TRPM6: variants seen among roughly 807,000 people sequenced by gnomAD.
The protein encoded by TRPM6 is channel kinase 2.
In TRPM6, 111 loss-of-function variants were observed where a neutral mutation model predicts 247.6. The ratio of observed to expected loss-of-function variants is 0.45; its 90% CI spans 0.38 to 0.52. TRPM6 has a LOEUF of 0.52. Ranked by LOEUF, TRPM6 falls within the 20% of genes least tolerant of loss-of-function variation. The pLI, the probability that TRPM6 is intolerant of heterozygous loss-of-function variation, is 0.00. For missense variants in TRPM6, 2,126 were observed against 2,421.5 expected (o/e 0.88, Z 2.56); for synonymous variants, 892 against 853.8 (o/e 1.04, Z -0.78).
intron 24 of TRPM6, 151 bp from the exon 25 acceptor site, chr9:74,771,986 C>T: frequency 2.7e-6 from 2 of 750,522 alleles, no homozygotes; most frequent in Non-Finnish European, 4.4e-6. Flanking sequence ...AATGCAGAAA[C>T]AGCACCAATA....
chr9:74,768,145 T>A (rs572892129), intron 25 of TRPM6, among the ~76,000 whole-genome samples: 1 of 152,312 alleles, frequency 6.6e-6, no homozygotes, highest in South Asian at 2.1e-4. Context: ...TTCTCAATTT[T>A]CACTCTATAT....
chr9:74,764,587 T>C (rs536400706), intron 25 of TRPM6, among the ~76,000 whole-genome samples: 132 of 152,306 alleles, frequency 8.7e-4, no homozygotes, highest in Admixed American at 2.0e-3. Context: ...TCCAGAAGTC[T>C]GAGACAATAA....
At chr9:74,887,458 C>G in intron 1 of TRPM6, 1 of 1,070,184 alleles carries the variant, frequency 9.3e-7, no homozygotes, top group Non-Finnish European at 1.3e-6. Flanking sequence ...AACTCCTCTC[C>G]CTCCGGCCCG....
intron 27 of TRPM6, among the ~76,000 whole-genome samples, chr9:74,759,533 C>T (rs945898155): frequency 1.3e-5 from 2 of 151,284 alleles, no homozygotes; most frequent in Non-Finnish European, 3.0e-5. Context: ...ATCTTTTTAC[C>T]AAAAAATGGT....
intron 24 of TRPM6, among the ~76,000 whole-genome samples, chr9:74,772,628 A>G (rs533945800): frequency 6.6e-6 from 1 of 152,240 alleles, no homozygotes; most frequent in Non-Finnish European, 1.5e-5. Context: ...CTCCTTAAAT[A>G]TTTACCTGTC....
At chr9:74,797,943 C>T (rs913930619) in intron 17 of TRPM6, among the ~76,000 whole-genome samples, 13 of 152,162 alleles carry the variant, frequency 8.5e-5, no homozygotes, top group African/African-American at 3.1e-4. Flanking sequence ...CCATCCCACA[C>T]GTATCTTTTC....
intron 3 of TRPM6, 39 bp downstream of exon 3, chr9:74,855,488 C>A (rs374999240): frequency 2.8e-5 from 41 of 1,484,270 alleles, no homozygotes; most frequent in Non-Finnish European, 3.7e-5. Context: ...AAATAGGGTG[C>A]CTAAAAGCTA....
intron 11 of TRPM6, among the ~76,000 whole-genome samples, chr9:74,812,754 G>C (rs1354814969): frequency 6.6e-6 from 1 of 152,102 alleles, no homozygotes; most frequent in African/African-American, 2.4e-5. Flanking sequence ...GCCAGGCATA[G>C]TGGCATGCAC....
intron 7 of TRPM6, among the ~76,000 whole-genome samples, chr9:74,823,042 T>C (rs1587545067): frequency 1.3e-5 from 2 of 152,220 alleles, no homozygotes; most frequent in Non-Finnish European, 2.9e-5. Context: ...CTTTATGTTT[T>C]CACACCACAC....
chr9:74,734,931 G>A (rs1242449721), intron 36 of TRPM6, among the ~76,000 whole-genome samples: 1 of 152,138 alleles, frequency 6.6e-6, no homozygotes, highest in African/African-American at 2.4e-5. Context: ...ATAGAGAATA[G>A]GCCAGGCACG....
rs1829778913 is a variant in TRPM6 at position 74,837,751 on chromosome 9, T to TGA, written c.544+2272_544+2273insTC. On this transcript the variant is annotated intron_variant, in intron 5 of 38. Coordinates refer to ENST00000360774, the MANE Select transcript of TRPM6 (RefSeq NM_017662.5). ...GTGAGCCACCACGCCCGGCCCCCTT[T>TGA]TTTTTTTTTTTTTTTTTAAGACAGG... Among the ~76,000 whole-genome samples the TGA allele has an allele frequency of 5.9e-4, 8 of 13,466 alleles. No individual in the cohort carries two copies. In the South Asian group the frequency reaches 0.015, roughly 26 times the overall value. The allele number at this position is 13,466 out of a possible 152,430, so 8.8% of individuals were successfully genotyped here. A position where few individuals can be genotyped will look rare whatever the true frequency, so the allele number is the denominator to read the frequency against.
intron 6 of TRPM6, among the ~76,000 whole-genome samples, chr9:74,832,011 C>A (rs1021833513): frequency 4.6e-5 from 7 of 152,150 alleles, no homozygotes; most frequent in Admixed American, 2.6e-4. Context: ...TGAATCTATG[C>A]AACGACTGCT....
chr9:74,820,507 C>A (rs149289356), intron 8 of TRPM6, 80 bp from the exon 9 acceptor site: 3 of 1,550,280 alleles, frequency 1.9e-6, no homozygotes, highest in Non-Finnish European at 2.7e-6. Context: ...AACACCCCAT[C>A]AGCTCCCCAG....
At chr9:74,749,866 C>T (rs1826179481) in intron 30 of TRPM6, among the ~76,000 whole-genome samples, 1 of 152,072 alleles carries the variant, frequency 6.6e-6, no homozygotes, top group Non-Finnish European at 1.5e-5. Flanking sequence ...AGAGAAAGAC[C>T]ATCTCTAAAC....
Position 74,887,168 on chromosome 9 carries a change from G to GT in TRPM6, c.33+655dup, listed in dbSNP as rs1259671544. The GT allele has an allele frequency of 7.6e-5, 83 of 1,087,190 alleles. No individual in the cohort carries two copies. In the East Asian group the frequency reaches 2.4e-3, roughly 32 times the overall value. 67.3% of individuals were successfully genotyped at this position (1,087,190 alleles called of 1,614,324 possible). On this transcript the variant is annotated intron_variant, in intron 1 of 38. Coordinates refer to ENST00000360774, the MANE Select transcript of TRPM6 (RefSeq NM_017662.5). Reference sequence around the variant, plus strand: ...AGAGGAGCCAGCGGGGACTCCTGAGGTTGCAAGTCCGGGCGGCGCCGCGTT... The same window carrying GT: ...AGAGGAGCCAGCGGGGACTCCTGAGGTTTGCAAGTCCGGGCGGCGCCGCGTT...
At chr9:74,774,085 T>C (rs563410537) in intron 24 of TRPM6, among the ~76,000 whole-genome samples, 6 of 152,316 alleles carry the variant, frequency 3.9e-5, no homozygotes, top group African/African-American at 1.4e-4. Context: ...AAGGTGGCAC[T>C]GCTGCCCCTT....
intron 32 of TRPM6, 123 bp downstream of exon 32, chr9:74,743,972 A>G (rs1267611030): frequency 2.1e-6 from 2 of 956,200 alleles, no homozygotes; most frequent in East Asian, 4.9e-5. Flanking sequence ...CATCAAAGTG[A>G]ACAATAACTT....
At chr9:74,863,376 C>T (rs560549306) in intron 1 of TRPM6, among the ~76,000 whole-genome samples, 14 of 152,182 alleles carry the variant, frequency 9.2e-5, no homozygotes, top group African/African-American at 3.4e-4. Context: ...ATTTCAACTG[C>T]CACCTGCCAC....
intron 1 of TRPM6, among the ~76,000 whole-genome samples, chr9:74,874,195 C>G (rs1244127152): frequency 6.6e-6 from 1 of 151,192 alleles, no homozygotes; most frequent in Non-Finnish European, 1.5e-5. Context: ...GAGATTGTGC[C>G]ACTGCACTCC....
Sources: allele counts gnomAD v4.1 joint callset (sites outside exome capture counted in the v4.1 genomes callset), GRCh38; gene constraint gnomAD v4.1.1; transcripts MANE v1.5; gene names NCBI Gene and HGNC (gene_info 2026-07-23, HGNC 2026-07-21).